MYO1E: variants seen among roughly 807,000 people sequenced by gnomAD.
MYO1E encodes unconventional myosin-Ie.
A neutral mutation model predicts 151.1 loss-of-function variants in MYO1E; 68 were observed. That is an observed-to-expected ratio of 0.45 (90% CI 0.37 to 0.55). MYO1E has a LOEUF of 0.55. Among genes scored for constraint, MYO1E ranks in the 20% least tolerant of loss-of-function variants. MYO1E has a pLI of 0.00. For synonymous variants in MYO1E, 601 were observed against 501.7 expected (o/e 1.20, Z -2.64); for missense variants, 1,363 against 1,389.3 (o/e 0.98, Z 0.30).
chr15:59,261,828 G>A (rs1275519425), intron 2 of MYO1E, among the ~76,000 whole-genome samples: 1 of 152,068 alleles, frequency 6.6e-6, no homozygotes, highest in Non-Finnish European at 1.5e-5. Flanking sequence ...GCCAAAGAGT[G>A]AAAAAAGCAG....
chr15:59,282,146 G>A (rs2080356575), intron 1 of MYO1E, among the ~76,000 whole-genome samples: 2 of 152,112 alleles, frequency 1.3e-5, no homozygotes, highest in South Asian at 2.1e-4. Flanking sequence ...ACTTCTGTTC[G>A]ATTTCCCAAA....
intron 1 of MYO1E, among the ~76,000 whole-genome samples, chr15:59,284,883 T>C (rs2080378270): frequency 6.6e-6 from 1 of 152,148 alleles, no homozygotes; most frequent in Admixed American, 6.5e-5. Context: ...ATGCTTGAGA[T>C]TCCTTAATAT....
Position 59,248,127 on chromosome 15 carries a change from C to CAAAAAA in MYO1E, c.332+8151_332+8156dup, listed in dbSNP as rs138467126. ...TGGGTGACAGAATGAGACTCCGTCT[C>CAAAAAA]AAAAAAAAAAAAAAAAAAAAAAAAA... On this transcript the variant is annotated intron_variant, in intron 4 of 27. Coordinates refer to ENST00000288235, the MANE Select transcript of MYO1E (RefSeq NM_004998.4). Among the ~76,000 whole-genome samples, 21 of 35,906 alleles carry CAAAAAA rather than the reference C, an allele frequency of 5.8e-4. 2 individuals carry two copies. Among genetic ancestry groups the CAAAAAA allele is most frequent in the South Asian group, 5.7e-3 (3 of 524 alleles). 23.6% of individuals were successfully genotyped at this position (35,906 alleles called of 152,430 possible).
At chr15:59,310,511 C>A (rs953166399) in intron 1 of MYO1E, among the ~76,000 whole-genome samples, 2 of 152,136 alleles carry the variant, frequency 1.3e-5, no homozygotes, top group Non-Finnish European at 2.9e-5. Context: ...TGGGGCGACA[C>A]AGCCACAAGC....
chr15:59,319,550 CTTTTTTTTTTTTTTTTTTT>C (rs59491381), intron 1 of MYO1E, among the ~76,000 whole-genome samples: 102 of 63,726 alleles, frequency 1.6e-3, no homozygotes, highest in Non-Finnish European at 2.3e-3. Flanking sequence ...GTCAAACTAC[CTTTTTTTTTTTTTTTTTTT>C]TTTTTTTTTT....
At chr15:59,179,249 T>C (rs2079644325) in intron 18 of MYO1E, among the ~76,000 whole-genome samples, 1 of 152,170 alleles carries the variant, frequency 6.6e-6, no homozygotes, top group African/African-American at 2.4e-5. Context: ...ACAGGCCTTC[T>C]TGGACCAAAA....
chr15:59,206,830 G>A, intron 14 of MYO1E: 5 of 1,115,570 alleles, frequency 4.5e-6, no homozygotes, highest in Non-Finnish European at 5.0e-6. Flanking sequence ...GGCGGGGCAC[G>A]CGCACCTGCC....
intron 1 of MYO1E, among the ~76,000 whole-genome samples, chr15:59,346,682 T>C (rs1473249810): frequency 6.6e-6 from 1 of 152,112 alleles, no homozygotes; most frequent in Non-Finnish European, 1.5e-5. Flanking sequence ...ATCCCAGCAC[T>C]TTTGGAGGAT....
chr15:59,172,437 G>T (rs530329527), intron 21 of MYO1E, among the ~76,000 whole-genome samples: 111 of 152,322 alleles, frequency 7.3e-4, no homozygotes, highest in African/African-American at 2.4e-3. Context: ...GGGGGAAGCT[G>T]CCTTGGACAG....
Position 59,161,379 on chromosome 15 carries a change from G to A in MYO1E, c.2628-149C>T, listed in dbSNP as rs7165444. On this transcript the variant is annotated intron_variant, in intron 23 of 27. Coordinates refer to ENST00000288235, the MANE Select transcript of MYO1E (RefSeq NM_004998.4). ...ACCAGGAGCAGGGCCCTGAGGATGC[G>A]CACCGCATCCATGGGGTGGCACTGT... 0.099 allele frequency: 89,580 copies of A among 909,074 alleles called. 4,986 individuals are homozygous for A. Among genetic ancestry groups the A allele is most frequent in the Admixed American group, 0.12 (4,513 of 36,292 alleles). The allele number at this position is 909,074 out of a possible 1,614,324, so 56.3% of individuals were successfully genotyped here. A position where few individuals can be genotyped will look rare whatever the true frequency, so the allele number is the denominator to read the frequency against.
At chr15:59,253,274 C>A (rs1596386135) in intron 4 of MYO1E, among the ~76,000 whole-genome samples, 1 of 152,016 alleles carries the variant, frequency 6.6e-6, no homozygotes, top group African/African-American at 2.4e-5. Flanking sequence ...TGAAGGTGAC[C>A]AAGCAAAAGA....
chr15:59,368,980 G>C (rs7173362), intron 1 of MYO1E, among the ~76,000 whole-genome samples: 116,308 of 152,088 alleles, frequency 0.76, 46,584 homozygotes, highest in Non-Finnish European at 0.89. Flanking sequence ...TTTCCCCAAC[G>C]CTTTGCCTCC....
rs1384902541 is a variant in MYO1E, at chr15:59,272,349, A to G, written c.104T>C (p.Ile35Thr). Residue 35 changes from isoleucine (I) to threonine (T), a missense_variant, in exon 2 of 28, where the codon ATC (isoleucine) becomes ACC (threonine). Transcript: ENST00000288235. The part of the protein sequence containing the change: ...VLLSKITENS[I>T]VENLKKRYMD... Reference sequence around the variant, plus strand: ...GTATCTCTTCTTCAGATTCTCCACGATGGAGTTCTCTGTGATCTTGGACAG... The same window carrying G: ...GTATCTCTTCTTCAGATTCTCCACGGTGGAGTTCTCTGTGATCTTGGACAG... 4 of 1,614,148 alleles carry G rather than the reference A, an allele frequency of 2.5e-6. No individual in the cohort carries two copies. The highest frequency in any genetic ancestry group is 3.4e-6 in the Non-Finnish European group (4 of 1,179,986).
At chr15:59,175,378 A>G (rs1471561912) in intron 19 of MYO1E, among the ~76,000 whole-genome samples, 2 of 152,202 alleles carry the variant, frequency 1.3e-5, no homozygotes, top group African/African-American at 4.8e-5. Flanking sequence ...AAACAAGCCA[A>G]TGTGGTTTGA....
In MYO1E at chr15:59,199,092, T is replaced by C. The variant is rs537099268; in HGVS notation, c.1698+3234A>G. ...TTGGATTTTTTCAGATTTTGGAATATTGGCATTATACTTTATTTTTTGAGA... is the reference window on the plus strand; with the variant it reads ...TTGGATTTTTTCAGATTTTGGAATACTGGCATTATACTTTATTTTTTGAGA... On this transcript the variant is annotated intron_variant, in intron 16 of 27. Transcript: ENST00000288235. Among the ~76,000 whole-genome samples the C allele has an allele frequency of 4.1e-4, 63 of 152,306 alleles. 1 individual carries two copies. Among genetic ancestry groups the C allele is most frequent in the African/African-American group, 1.4e-3 (60 of 41,574 alleles).
chr15:59,156,813 T>C (rs763159804), intron 25 of MYO1E, among the ~76,000 whole-genome samples: 5 of 152,236 alleles, frequency 3.3e-5, no homozygotes, highest in Non-Finnish European at 7.3e-5. Context: ...TGGAAAAACA[T>C]TAAAAGATTT....
At chr15:59,362,721 A>G (rs1313227857) in intron 1 of MYO1E, among the ~76,000 whole-genome samples, 1 of 152,202 alleles carries the variant, frequency 6.6e-6, no homozygotes, top group Non-Finnish European at 1.5e-5. Context: ...TTTCATTGAA[A>G]ATTTCTTAGA....
At chr15:59,197,011 G>C (rs1218185103) in intron 16 of MYO1E, among the ~76,000 whole-genome samples, 13 of 4,928 alleles carry the variant, frequency 2.6e-3, no homozygotes, top group African/African-American at 3.4e-3. Flanking sequence ...TTTTTTTTTT[G>C]AGATGGAGTC....
chr15:59,149,052 G>GTTTTTTTT (rs570700878), intron 26 of MYO1E, among the ~76,000 whole-genome samples: 3 of 128,234 alleles, frequency 2.3e-5, no homozygotes, highest in Non-Finnish European at 3.2e-5. Flanking sequence ...TTTTTTTTTT[G>GTTTTTTTT]TTTTTTTTTT....
Sources: gnomAD v4.1 joint callset for allele counts (sites outside exome capture counted in the v4.1 genomes callset) on GRCh38, gnomAD v4.1.1 for gene constraint, MANE v1.5 for transcripts, NCBI Gene and HGNC (gene_info 2026-07-23, HGNC 2026-07-21) for gene names.